ZNRF2: variants seen among roughly 807,000 people sequenced by gnomAD.
ZNRF2 encodes zinc and ring finger 2, also known as E3 ubiquitin-protein ligase ZNRF2.
Under a neutral mutation model 20.4 loss-of-function variants are expected in ZNRF2, and 16 were observed. The ratio of observed to expected loss-of-function variants is 0.79; its 90% CI spans 0.53 to 1.19. The LOEUF (loss-of-function observed/expected upper bound fraction) is 1.19. ZNRF2 is among the 50% of genes most tolerant of loss of function. The pLI, the probability that ZNRF2 is intolerant of heterozygous loss-of-function variation, is 0.00. For missense variants in ZNRF2, 363 were observed against 332.4 expected (o/e 1.09, Z -0.72); for synonymous variants, 178 against 144.9 (o/e 1.23, Z -1.64).
intron 3 of ZNRF2, among the ~76,000 whole-genome samples, chr7:30,359,081 T>C (rs1450452900): frequency 1.3e-5 from 2 of 152,186 alleles, no homozygotes; most frequent in African/African-American, 4.8e-5. Flanking sequence ...AATTGGTTAT[T>C]GATATGGAAA....
chr7:30,335,909 A>C (rs1260597526), intron 2 of ZNRF2, among the ~76,000 whole-genome samples: 2 of 152,010 alleles, frequency 1.3e-5, no homozygotes, highest in Non-Finnish European at 2.9e-5. Flanking sequence ...AAAGAGGCAA[A>C]TGTCAGAGGC....
intron 2 of ZNRF2, among the ~76,000 whole-genome samples, chr7:30,340,147 G>T (rs1799772831): frequency 1.3e-5 from 2 of 152,064 alleles, no homozygotes; most frequent in African/African-American, 4.8e-5. Flanking sequence ...GGAGATTTTG[G>T]GCTGAGACGA....
At chr7:30,333,750 G>A (rs993565895) in intron 2 of ZNRF2, among the ~76,000 whole-genome samples, 2 of 152,166 alleles carry the variant, frequency 1.3e-5, no homozygotes, top group African/African-American at 4.8e-5. Context: ...TTTATCTGAT[G>A]ATTAGTGGTG....
intron 2 of ZNRF2, among the ~76,000 whole-genome samples, chr7:30,343,168 A>C (rs1799822643): frequency 6.6e-6 from 1 of 152,040 alleles, no homozygotes; most frequent in South Asian, 2.1e-4. Context: ...TAGGAAAGTC[A>C]ACCAAGCGTG....
intron 2 of ZNRF2, among the ~76,000 whole-genome samples, chr7:30,348,684 A>G (rs550436949): frequency 9.2e-5 from 14 of 152,318 alleles, no homozygotes; most frequent in East Asian, 1.9e-4. Flanking sequence ...ATAGGACTAC[A>G]TGTACCGGTT....
At chr7:30,316,565 A>G (rs553541560) in intron 1 of ZNRF2, among the ~76,000 whole-genome samples, 1 of 152,310 alleles carries the variant, frequency 6.6e-6, no homozygotes, top group Admixed American at 6.5e-5. Context: ...AACTTGTTTC[A>G]GAATGTATTC....
intron 1 of ZNRF2, among the ~76,000 whole-genome samples, chr7:30,304,582 G>A (rs1210600749): frequency 1.3e-5 from 2 of 152,190 alleles, no homozygotes; most frequent in African/African-American, 2.4e-5. Context: ...TTTGCAGCAG[G>A]TGCAACTAGC....
At chr7:30,343,494 A>AT (rs1022494249) in intron 2 of ZNRF2, among the ~76,000 whole-genome samples, 1 of 151,836 alleles carries the variant, frequency 6.6e-6, no homozygotes, top group African/African-American at 2.4e-5. Context: ...TATATTGCAT[A>AT]TTTTTTTTCC....
intron 2 of ZNRF2, among the ~76,000 whole-genome samples, chr7:30,347,536 A>C (rs1316226001): frequency 6.6e-6 from 1 of 151,898 alleles, no homozygotes; most frequent in African/African-American, 2.4e-5. Context: ...TGTGTTTTTC[A>C]CCCTTTCCTT....
At chr7:30,324,020 A>G (rs1466117774) in intron 2 of ZNRF2, among the ~76,000 whole-genome samples, 1 of 151,946 alleles carries the variant, frequency 6.6e-6, no homozygotes, top group East Asian at 1.9e-4. Flanking sequence ...TGTTAAACAT[A>G]AATATAATTA....
intron 1 of ZNRF2, among the ~76,000 whole-genome samples, chr7:30,289,330 A>T (rs1798852962): frequency 6.6e-6 from 1 of 152,348 alleles, no homozygotes; most frequent in South Asian, 2.1e-4. Flanking sequence ...CTTAATTTTT[A>T]AGGCAGATGT....
chr7:30,335,893 G>T (rs1486221516), intron 2 of ZNRF2, among the ~76,000 whole-genome samples: 1 of 148,758 alleles, frequency 6.7e-6, no homozygotes, highest in African/African-American at 2.6e-5. Flanking sequence ...TGTGTTGGAA[G>T]GGGGGAAAGA....
chr7:30,365,234 T>A (rs555911864), intron 4 of ZNRF2, among the ~76,000 whole-genome samples: 1 of 151,068 alleles, frequency 6.6e-6, no homozygotes, highest in African/African-American at 2.4e-5. Context: ...TTTCCTTTAG[T>A]GTCACAGTGA....
At chr7:30,315,285 C>G (rs1799352208) in intron 1 of ZNRF2, among the ~76,000 whole-genome samples, 1 of 152,092 alleles carries the variant, frequency 6.6e-6, no homozygotes, top group African/African-American at 2.4e-5. Context: ...GAAATAATCC[C>G]TTGGAAATCT....
intron 1 of ZNRF2, among the ~76,000 whole-genome samples, chr7:30,298,815 T>TA (rs1225885315): frequency 2.6e-5 from 4 of 152,184 alleles, no homozygotes; most frequent in Non-Finnish European, 4.4e-5. Context: ...CTTTCTCTTT[T>TA]AGGCCTGCCT....
At chr7:30,327,554 C>T (rs1799572431) in intron 2 of ZNRF2, among the ~76,000 whole-genome samples, 1 of 151,904 alleles carries the variant, frequency 6.6e-6, no homozygotes, top group Admixed American at 6.6e-5. Context: ...CTTGGGGATA[C>T]TATAACAACC....
At chr7:30,321,557 C>T (rs1184449074) in intron 1 of ZNRF2, among the ~76,000 whole-genome samples, 1 of 152,024 alleles carries the variant, frequency 6.6e-6, no homozygotes, top group Non-Finnish European at 1.5e-5. Flanking sequence ...GTTCTTTGTA[C>T]GTACTGTTTT....
chr7:30,322,776 T>C (rs531645519), intron 1 of ZNRF2, among the ~76,000 whole-genome samples: 1 of 152,102 alleles, frequency 6.6e-6, no homozygotes, highest in East Asian at 1.9e-4. Context: ...AACAGCTTAG[T>C]GGTGTCAGGG....
intron 1 of ZNRF2, 27 bp from the exon 2 acceptor site, chr7:30,323,615 G>A (rs2128063368): frequency 6.9e-7 from 1 of 1,445,504 alleles, no homozygotes; most frequent in Non-Finnish European, 9.5e-7. Flanking sequence ...GAATAGTTAA[G>A]TAACTTGAGT....
Sources: gnomAD v4.1 joint callset for allele counts (sites outside exome capture counted in the v4.1 genomes callset) on GRCh38, gnomAD v4.1.1 for gene constraint, MANE v1.5 for transcripts, NCBI Gene and HGNC (gene_info 2026-07-23, HGNC 2026-07-21) for gene names.